WWOX: variants seen among roughly 807,000 people sequenced by gnomAD.
WWOX encodes WW domain-containing oxidoreductase.
A neutral mutation model predicts 46.2 loss-of-function variants in WWOX; 69 were observed. The ratio of observed to expected loss-of-function variants is 1.49; its 90% CI spans 1.23 to 1.82. WWOX has a LOEUF of 1.82. Ranked by LOEUF, WWOX falls within the 40% of genes most tolerant of loss-of-function variation. WWOX has a pLI of 0.00. For synonymous variants in WWOX, 359 were observed against 202.6 expected (o/e 1.77, Z -6.56); for missense variants, 919 against 542.6 (o/e 1.69, Z -6.89).
chr16:78,189,616 G>C (rs968970342), intron 5 of WWOX, among the ~76,000 whole-genome samples: 1 of 152,056 alleles, frequency 6.6e-6, no homozygotes, highest in Non-Finnish European at 1.5e-5. Context: ...CATAATAATG[G>C]CACCTAAACA....
At chr16:79,029,979 G>C (rs906815146) in intron 8 of WWOX, among the ~76,000 whole-genome samples, 1 of 152,126 alleles carries the variant, frequency 6.6e-6, no homozygotes, top group African/African-American at 2.4e-5. Context: ...CCTGGTGGTA[G>C]GTAAGCCAAC....
intron 8 of WWOX, chr16:78,891,501 C>T (rs949885454): frequency 2.6e-5 from 4 of 152,174 alleles, no homozygotes; most frequent in Non-Finnish European, 5.9e-5. Flanking sequence ...TGATTACACC[C>T]ATGCAGCAAT....
chr16:78,179,142 T>G (rs765895977), intron 5 of WWOX, among the ~76,000 whole-genome samples: 13 of 152,202 alleles, frequency 8.5e-5, no homozygotes, highest in South Asian at 4.1e-4. Flanking sequence ...CTGCAGTGCT[T>G]TAAAGAATCT....
At chr16:78,935,617 G>A (rs2045720622) in intron 8 of WWOX, among the ~76,000 whole-genome samples, 1 of 139,948 alleles carries the variant, frequency 7.1e-6, no homozygotes, top group Non-Finnish European at 1.5e-5. Flanking sequence ...GGGCTGGGGG[G>A]AGGGGAGAAG....
At chr16:78,523,428 C>G (rs1166164347) in intron 8 of WWOX, among the ~76,000 whole-genome samples, 1 of 152,138 alleles carries the variant, frequency 6.6e-6, no homozygotes, top group Admixed American at 6.5e-5. Context: ...ACAATGCCAT[C>G]CGGTAATTAC....
chr16:78,529,803 A>G (rs1443862955), intron 8 of WWOX, among the ~76,000 whole-genome samples: 2 of 152,178 alleles, frequency 1.3e-5, no homozygotes, highest in African/African-American at 4.8e-5. Flanking sequence ...TTAAATACCT[A>G]GGATTATAAA....
chr16:78,309,095 T>C (rs1314102900), intron 5 of WWOX, among the ~76,000 whole-genome samples: 1 of 152,200 alleles, frequency 6.6e-6, no homozygotes, highest in East Asian at 1.9e-4. Context: ...CTGAAAATCC[T>C]TGAATCCACC....
intron 8 of WWOX, among the ~76,000 whole-genome samples, chr16:79,122,714 G>A (rs145673854): frequency 6.6e-6 from 1 of 152,260 alleles, no homozygotes; most frequent in African/African-American, 2.4e-5. Context: ...GATAACTGAG[G>A]TAAAATTTGT....
intron 8 of WWOX, among the ~76,000 whole-genome samples, chr16:78,696,552 T>A (rs117918402): frequency 0.013 from 1,949 of 152,258 alleles, 19 homozygotes; most frequent in South Asian, 0.036. Context: ...GAGCTGCAGC[T>A]CCCAGTGATC....
chr16:78,768,297 A>T (rs1244792765), intron 8 of WWOX, among the ~76,000 whole-genome samples: 1 of 150,908 alleles, frequency 6.6e-6, no homozygotes, highest in Non-Finnish European at 1.5e-5. Flanking sequence ...AAAAAAAAAA[A>T]AAAGTTGCCT....
chr16:79,098,564 C>T (rs754801354), intron 8 of WWOX, among the ~76,000 whole-genome samples: 1 of 152,204 alleles, frequency 6.6e-6, no homozygotes, highest in South Asian at 2.1e-4. Context: ...CACAGTGTTC[C>T]TGTGTGTTGA....
At position 79,096,111 on chromosome 16, in the gene WWOX, G is replaced by A. The variant is rs112959475; in HGVS notation, c.1057-115497G>A. Among the ~76,000 whole-genome samples the A allele has an allele frequency of 3.8e-3, 535 of 142,128 alleles. 6 individuals carry two copies. Among genetic ancestry groups the A allele is most frequent in the African/African-American group, 0.014 (514 of 37,642 alleles). 93.2% of individuals were successfully genotyped at this position (142,128 alleles called of 152,430 possible). ...TAAAACTCCTGACCTCAACTGATCC[G>A]CCTGCCTCGGTCTCCCAAAGTGCTG... On this transcript the variant is annotated intron_variant, in intron 8 of 8. Transcript: ENST00000566780.
intron 8 of WWOX, among the ~76,000 whole-genome samples, chr16:78,815,847 G>A (rs898921826): frequency 6.6e-6 from 1 of 152,096 alleles, no homozygotes; most frequent in South Asian, 2.1e-4. Flanking sequence ...CTGACATCTG[G>A]CTCTGTCTGC....
Position 78,434,141 on chromosome 16 carries a change from G to C in WWOX, c.1056+1389G>C, listed in dbSNP as rs550177248. The stretch of plus-strand genomic sequence containing the variant: ...AAGTCTTTTGAAGTGCTTAGGAGGA[G>C]GTAAGTAAGTATATCTTTTATTCTA... On this transcript the variant is annotated intron_variant, in intron 8 of 8. Transcript: ENST00000566780. Among the ~76,000 whole-genome samples the C allele has an allele frequency of 2.0e-5, 3 of 152,276 alleles. No individual in the cohort carries two copies. In the South Asian group the frequency reaches 6.2e-4, roughly 32 times the overall value.
rs528050852 is a variant in WWOX at position 78,150,202 on chromosome 16, A to T, written c.410-13981A>T. On this transcript the variant is annotated intron_variant, in intron 4 of 8. Transcript: ENST00000566780. ...ATAAAACTCAGGGAAATATTTACTT[A>T]TGTTTACCTGTTTATGATAAAGGAT... Among the ~76,000 whole-genome samples, 4 of 152,268 alleles carry T rather than the reference A, an allele frequency of 2.6e-5. 1 individual carries two copies. Among genetic ancestry groups the T allele is most frequent in the African/African-American group, 9.6e-5 (4 of 41,550 alleles).
chr16:78,439,723 AAAT>A (rs1465181713), intron 8 of WWOX, among the ~76,000 whole-genome samples: 1 of 152,218 alleles, frequency 6.6e-6, no homozygotes, highest in African/African-American at 2.4e-5. Context: ...AAGGTGGCTG[AAAT>A]AATAGAGGTT....
At chr16:78,894,964 C>T (rs1024160097) in intron 8 of WWOX, among the ~76,000 whole-genome samples, 3 of 152,266 alleles carry the variant, frequency 2.0e-5, no homozygotes, top group African/African-American at 7.2e-5. Flanking sequence ...CACCCAGGAT[C>T]CACCTCCACA....
rs56409923 is a variant in WWOX, at chr16:78,451,990, A to G, written c.1056+19238A>G. On this transcript the variant is annotated intron_variant, in intron 8 of 8. Transcript: ENST00000566780. ...AGGTCATATTAATGCAATGGTTAGC[A>G]TATCAACTTCCTTCTGTTTTTAGTG... Among the ~76,000 whole-genome samples the G allele has an allele frequency of 3.8e-3, 582 of 152,318 alleles. 4 individuals carry two copies. The highest frequency in any genetic ancestry group is 0.013 in the African/African-American group (555 of 41,560).
intron 8 of WWOX, among the ~76,000 whole-genome samples, chr16:79,062,803 C>T (rs562323017): frequency 2.2e-4 from 34 of 152,132 alleles, no homozygotes; most frequent in Non-Finnish European, 4.6e-4. Flanking sequence ...GTTCTAACAG[C>T]CCCTTGAACA....
Sources: gnomAD v4.1 joint callset for allele counts (sites outside exome capture counted in the v4.1 genomes callset) on GRCh38, gnomAD v4.1.1 for gene constraint, MANE v1.5 for transcripts, NCBI Gene and HGNC (gene_info 2026-07-23, HGNC 2026-07-21) for gene names.